The following TCEA2 variants were observed in gnomAD, a reference collection of about 807,000 sequenced individuals.
TCEA2 encodes transcription elongation factor A2, also known as transcription elongation factor A protein 2.
In TCEA2, 21 loss-of-function variants were observed where a neutral mutation model predicts 40.8. That is an observed-to-expected ratio of 0.51 (90% CI 0.36 to 0.74). The LOEUF (loss-of-function observed/expected upper bound fraction) is 0.74. Ranked by LOEUF, TCEA2 falls within the 30% of genes least tolerant of loss-of-function variation. The pLI is 0.00. For missense variants in TCEA2, 326 were observed against 426.5 expected, an observed-to-expected ratio of 0.76 and a Z score of 2.08; for synonymous variants, 165 against 162.7, an observed-to-expected ratio of 1.01 and a Z score of -0.11.
chr20:64,056,569 G>A (rs533307084), upstream of TCEA2, among the ~76,000 whole-genome samples: 3 of 151,732 alleles, frequency 2.0e-5, no homozygotes, highest in South Asian at 2.1e-4. Context: ...CCCAGCCCCC[G>A]CTCTGTGGTT....
At position 64,068,039 on chromosome 20, in the gene TCEA2, T is replaced by A. The variant is rs1176889614; in HGVS notation, c.242-8T>A. 2 of 1,602,884 alleles carry A rather than the reference T, an allele frequency of 1.2e-6. No homozygotes were observed. Among genetic ancestry groups the A allele is most frequent in the Non-Finnish European group, 1.7e-6 (2 of 1,175,266 alleles). On this transcript the variant is annotated splice_polypyrimidine_tract_variant and splice_region_variant and intron_variant, in intron 3 of 9. Transcript: ENST00000343484. ...CCTTGATCAGCCCATCCCCGATCTT[T>A]CCTGCAGATGCTTCCGATGCCAAAG...
chr20:64,058,177 C>A lies in TCEA2; in HGVS notation c.-84+526C>A, dbSNP rs1427418454. 1.3e-5 allele frequency among the ~76,000 whole-genome samples: 2 copies of A among 152,216 alleles called. No individual in the cohort carries two copies. Among genetic ancestry groups the A allele is most frequent in the East Asian group, 3.8e-4 (2 of 5,198 alleles). ...AGAGGCACCCGACCTCTTCTGCTAA[C>A]CCCCTTCCCTGCCTGTCCCGTCCGC... On this transcript the variant is annotated intron_variant, in intron 1 of 10. Coordinates refer to the TCEA2 transcript ENST00000361317. This position sits in a 1 kb window ranked among gnomAD's most constrained non-coding sequence, Gnocchi z 6.7.
chr20:64,071,864 T>A lies in TCEA2; in HGVS notation c.820-6T>A. The A allele has an allele frequency of 6.2e-7, 1 of 1,613,972 alleles. No homozygotes were observed. The highest frequency in any genetic ancestry group is 8.5e-7 in the Non-Finnish European group (1 of 1,180,006). On this transcript the variant is annotated splice_polypyrimidine_tract_variant and splice_region_variant and intron_variant, in intron 8 of 9. Coordinates refer to ENST00000343484, the MANE Select transcript of TCEA2 (RefSeq NM_003195.6). ...TGACCCTGGGTTCACCCAGCCCTGT[T>A]CACAGGTGCAGACCCGCAGCTCTGA...
chr20:64,067,473 A>AGGGCTGGGCT (rs1014716113), intron 3 of TCEA2, among the ~76,000 whole-genome samples: 2 of 144,296 alleles, frequency 1.4e-5, no homozygotes, highest in Middle Eastern at 3.6e-3. Context: ...AGGGAAGGGA[A>AGGGCTGGGCT]GGGCTGGGCT....
chr20:64,066,489 A>G lies in TCEA2; in HGVS notation c.86A>G (p.Asp29Gly). 6.2e-7 allele frequency: 1 copy of G among 1,613,788 alleles called. No individual in the cohort carries two copies. The highest frequency in any genetic ancestry group is 1.1e-5 in the South Asian group (1 of 91,084). The change falls in exon 2 of 10, where the codon GAT becomes GGT. Residue 29 changes from aspartate to glycine, a missense_variant. Transcript: ENST00000343484. ...VTKKSAEGAMDLLRELKAMPI... is the reference protein window; with the variant it reads ...VTKKSAEGAMGLLRELKAMPI... Reference sequence around the variant, plus strand: ...TTCTCCTTCCAGGAGGGAGCCATGGATTTGCTGCGGGAGCTGAAGGCCATG... The same window carrying G: ...TTCTCCTTCCAGGAGGGAGCCATGGGTTTGCTGCGGGAGCTGAAGGCCATG...
Position 64,063,311 on chromosome 20 carries a change from C to A in TCEA2, c.-2C>A. 1.3e-6 allele frequency: 2 copies of A among 1,540,214 alleles called. No homozygotes were observed. The highest frequency in any genetic ancestry group is 8.7e-7 in the Non-Finnish European group (1 of 1,143,890). ...GGCGCGGGGGTCGCTGCTCCTGAGG[C>A]GATGATGGGCAAGGAAGAGGAGATT... On this transcript the variant is annotated 5_prime_UTR_variant, in exon 1 of 10. Coordinates refer to ENST00000343484, the MANE Select transcript of TCEA2 (RefSeq NM_003195.6).
upstream of TCEA2, among the ~76,000 whole-genome samples, chr20:64,060,415 C>G (rs551868225): frequency 6.6e-6 from 1 of 152,218 alleles, no homozygotes; most frequent in African/African-American, 2.4e-5. Context: ...CCCGGACCTC[C>G]GAAGCCAAAC....
chr20:64,065,510 T>G, intron 1 of TCEA2: 1 of 136,906 alleles, frequency 7.3e-6, no homozygotes. Flanking sequence ...GCTGAGAAGG[T>G]GTTGTTGAAA....
chr20:64,064,154 G>T (rs956320465), intron 1 of TCEA2: 1 of 152,312 alleles, frequency 6.6e-6, no homozygotes, highest in African/African-American at 2.4e-5. Context: ...AACTTGGGTT[G>T]TGGGTAGTTA....
chr20:64,071,171 A>C (rs1190328540), intron 8 of TCEA2, among the ~76,000 whole-genome samples: 1 of 152,074 alleles, frequency 6.6e-6, no homozygotes, highest in Non-Finnish European at 1.5e-5. Context: ...AACATGGTGA[A>C]ACCCCGTCTC....
At chr20:64,062,902 G>A (rs2059595522), upstream of TCEA2, 1 of 155,744 alleles carries the variant, frequency 6.4e-6, no homozygotes, top group Non-Finnish European at 1.4e-5. Context: ...CGAAGCAGGA[G>A]GAGAGAAGGG....
chr20:64,061,189 C>T (rs1184435819), upstream of TCEA2, among the ~76,000 whole-genome samples: 1 of 150,828 alleles, frequency 6.6e-6, no homozygotes, highest in African/African-American at 2.4e-5. Flanking sequence ...CAACCTCCGC[C>T]TCCTGGGTTC....
chr20:64,063,428 C>G (rs1457377585), intron 1 of TCEA2, 44 bp downstream of exon 1: 1 of 1,537,520 alleles, frequency 6.5e-7, no homozygotes, highest in African/African-American at 1.4e-5. Context: ...CCCGCCCCGC[C>G]GAGACCCCGT....
At chr20:64,056,636 C>T (rs546890555), upstream of TCEA2, among the ~76,000 whole-genome samples, 21 of 152,152 alleles carry the variant, frequency 1.4e-4, no homozygotes, top group Non-Finnish European at 2.6e-4. Context: ...CCCACCACGG[C>T]GCTGCCTCAG....
chr20:64,070,319 A>G lies in TCEA2; in HGVS notation c.577A>G (p.Ile193Val), dbSNP rs769770405. The change falls in exon 7 of 10, where the codon ATC (isoleucine) becomes GTC (valine). Residue 193 changes from isoleucine to valine, a missense_variant. Coordinates refer to ENST00000343484, the MANE Select transcript of TCEA2 (RefSeq NM_003195.6). ...GTATAAGAACCGTGTACGGAGTCGT[A>G]TCTCCAACCTGAAGGATGCCAAGAA... ...MKYKNRVRSR[I>V]SNLKDAKNPD... 6.2e-7 allele frequency: 1 copy of G among 1,614,208 alleles called. No homozygotes were observed. The highest frequency in any genetic ancestry group is 1.1e-5 in the South Asian group (1 of 91,088).
intron 3 of TCEA2, among the ~76,000 whole-genome samples, chr20:64,067,293 T>C (rs1486080860): frequency 6.6e-6 from 1 of 152,050 alleles, no homozygotes; most frequent in Non-Finnish European, 1.5e-5. Context: ...AGAAGAGAGT[T>C]GAGGCCAGGA....
intron 1 of TCEA2, chr20:64,063,629 A>G: frequency 1.8e-6 from 1 of 541,848 alleles, no homozygotes; most frequent in African/African-American, 2.0e-5. Flanking sequence ...TTGTCCCGGG[A>G]GAGCCACCCG....
upstream of TCEA2, chr20:64,063,161 C>T (rs911979785): frequency 3.3e-6 from 2 of 610,124 alleles, no homozygotes; most frequent in Non-Finnish European, 2.3e-6. Context: ...CGCGCGCGGC[C>T]GCGGGGCCGA....
intron 9 of TCEA2, 58 bp from the exon 10 acceptor site, chr20:64,072,114 C>T: frequency 1.2e-6 from 2 of 1,609,794 alleles, no homozygotes; most frequent in Non-Finnish European, 1.7e-6. Flanking sequence ...GTGCGGCCTT[C>T]CACTCTGGGG....
Sources: gnomAD v4.1 joint callset for allele counts (sites outside exome capture counted in the v4.1 genomes callset) on GRCh38, gnomAD v4.1.1 for gene constraint, Gnocchi (gnomAD v3.1) non-coding constraint, MANE v1.5 for transcripts, NCBI Gene and HGNC (gene_info 2026-07-23, HGNC 2026-07-21) for gene names.